The following CLPB variants were observed in gnomAD, a reference collection of about 807,000 sequenced individuals.
CLPB encodes the protein mitochondrial disaggregase.
A neutral mutation model predicts 78.4 loss-of-function variants in CLPB; 40 were observed. The ratio of observed to expected loss-of-function variants is 0.51; its 90% CI spans 0.40 to 0.66. The LOEUF (loss-of-function observed/expected upper bound fraction) is 0.66. Ranked by LOEUF, CLPB falls within the 30% of genes least tolerant of loss-of-function variation. CLPB has a pLI of 0.00. For missense variants in CLPB, 780 were observed against 886.9 expected, an observed-to-expected ratio of 0.88 and a Z score of 1.53; for synonymous variants, 333 against 348.0, an observed-to-expected ratio of 0.96 and a Z score of 0.48.
At chr11:72,297,412 C>T (rs1949569455) in intron 11 of CLPB, among the ~76,000 whole-genome samples, 1 of 152,192 alleles carries the variant, frequency 6.6e-6, no homozygotes, top group East Asian at 1.9e-4. Context: ...TTGGCAGAGG[C>T]CTTTGAGAAA....
intron 5 of CLPB, among the ~76,000 whole-genome samples, chr11:72,331,909 T>A (rs1950234107): frequency 6.6e-6 from 1 of 152,096 alleles, no homozygotes; most frequent in Non-Finnish European, 1.5e-5. Flanking sequence ...TATCAACTTA[T>A]GAACAACAGT....
At chr11:72,404,992 C>T (rs926865971) in intron 2 of CLPB, among the ~76,000 whole-genome samples, 9 of 152,112 alleles carry the variant, frequency 5.9e-5, no homozygotes, top group South Asian at 2.1e-4. Flanking sequence ...TAGCAGGCCA[C>T]GTGATATGGT....
intron 3 of CLPB, among the ~76,000 whole-genome samples, chr11:72,386,037 A>C (rs1325747211): frequency 6.6e-6 from 1 of 152,202 alleles, no homozygotes; most frequent in Non-Finnish European, 1.5e-5. Context: ...TTTTATAAAT[A>C]TTACTAAGTT....
intron 2 of CLPB, among the ~76,000 whole-genome samples, chr11:72,407,524 T>C (rs916806923): frequency 6.6e-6 from 1 of 152,162 alleles, no homozygotes; most frequent in African/African-American, 2.4e-5. Flanking sequence ...GAAGAGGCAT[T>C]TCTCTAAACC....
At chr11:72,405,392 C>T (rs753511610) in intron 2 of CLPB, among the ~76,000 whole-genome samples, 9 of 152,114 alleles carry the variant, frequency 5.9e-5, no homozygotes, top group Non-Finnish European at 1.0e-4. Flanking sequence ...TTTGTGACTA[C>T]GATCAAATTT....
intron 6 of CLPB, among the ~76,000 whole-genome samples, chr11:72,328,687 A>G (rs1420773672): frequency 6.6e-6 from 1 of 152,252 alleles, no homozygotes; most frequent in Non-Finnish European, 1.5e-5. Context: ...GAAAGGGCAC[A>G]AAAGTCAAAA....
rs139738451 is a variant in CLPB at position 72,412,489 on chromosome 11, G to T, written c.456-9437C>A. 5.2e-3 allele frequency among the ~76,000 whole-genome samples: 786 copies of T among 152,352 alleles called. 5 individuals carry two copies. The highest frequency in any genetic ancestry group is 7.7e-3 in the Non-Finnish European group (527 of 68,030). On this transcript the variant is annotated intron_variant, in intron 2 of 15. Transcript: ENST00000538039. ...TTCTGAACTTAAAGAATGATCTGCA[G>T]AGATTAATCAGTCCAAATCTTCCTT... is the stretch of plus-strand genomic sequence containing the variant.
chr11:72,370,798 A>T (rs1951027465), intron 4 of CLPB, among the ~76,000 whole-genome samples: 1 of 152,164 alleles, frequency 6.6e-6, no homozygotes, highest in African/African-American at 2.4e-5. Flanking sequence ...TGCAGCTATC[A>T]TCATCATCGT....
chr11:72,391,688 T>A (rs1855258649), intron 3 of CLPB, among the ~76,000 whole-genome samples: 1 of 152,206 alleles, frequency 6.6e-6, no homozygotes. Flanking sequence ...GTGGAAAACG[T>A]ATATGTTCCT....
chr11:72,348,492 T>C (rs1950555387), intron 5 of CLPB, among the ~76,000 whole-genome samples: 1 of 152,214 alleles, frequency 6.6e-6, no homozygotes, highest in Non-Finnish European at 1.5e-5. Context: ...GGACAGCTCC[T>C]GTTGCTGCCT....
At chr11:72,305,561 C>T (rs1949732226) in intron 9 of CLPB, among the ~76,000 whole-genome samples, 1 of 152,170 alleles carries the variant, frequency 6.6e-6, no homozygotes, top group South Asian at 2.1e-4. Flanking sequence ...AGTTTACCTG[C>T]CTAGGGCCAG....
At position 72,286,223 on chromosome 11, in the gene CLPB, G is replaced by GTTTTTGTTTTTTTTTTT. The variant is rs1949386564; in HGVS notation, c.*7143_*7144insAAAAAAAAAAACAAAAA. 1 of 60,450 alleles carries GTTTTTGTTTTTTTTTTT rather than the reference G, an allele frequency of 1.7e-5. No individual in the cohort carries two copies. The highest frequency in any genetic ancestry group is 3.1e-5 in the Non-Finnish European group (1 of 32,212). The allele number at this position is 60,450 out of a possible 1,614,324, so 3.7% of individuals were successfully genotyped here. ...ATTACAGGTGTGAGATACTGCACCT[G>GTTTTTGTTTTTTTTTTT]TTTTTTTTTTTTTTTTTTTTTTTAA... On this transcript the variant is annotated 3_prime_UTR_variant, in exon 16 of 16. Coordinates refer to ENST00000538039, the MANE Select transcript of CLPB (RefSeq NM_001258392.3).
At chr11:72,297,476 A>C (rs1949570726) in intron 11 of CLPB, among the ~76,000 whole-genome samples, 2 of 152,200 alleles carry the variant, frequency 1.3e-5, no homozygotes, top group Non-Finnish European at 2.9e-5. Flanking sequence ...CACATCCTGG[A>C]GCTGGTCACT....
chr11:72,409,553 C>T (rs1057106210), intron 2 of CLPB, among the ~76,000 whole-genome samples: 5 of 152,218 alleles, frequency 3.3e-5, no homozygotes, highest in Admixed American at 3.3e-4. Flanking sequence ...TACTGCACTA[C>T]AGCCTGGGCA....
chr11:72,356,553 G>C (rs1950720247), intron 5 of CLPB, among the ~76,000 whole-genome samples: 1 of 152,166 alleles, frequency 6.6e-6, no homozygotes, highest in Non-Finnish European at 1.5e-5. Flanking sequence ...GGGAGAAATA[G>C]TGGGTTAATG....
In CLPB at chr11:72,316,799, G is replaced by A. The variant is rs115787576; in HGVS notation, c.988+307C>T. Among the ~76,000 whole-genome samples, 1,410 of 152,230 alleles carry A rather than the reference G, an allele frequency of 9.3e-3. 15 individuals are homozygous for A. The highest frequency in any genetic ancestry group is 0.033 in the African/African-American group (1,359 of 41,528). On this transcript the variant is annotated intron_variant, in intron 7 of 15. Coordinates refer to ENST00000538039, the MANE Select transcript of CLPB (RefSeq NM_001258392.3). Reference sequence around the variant, plus strand: ...CTTGAAAAATGGAGTTGAGGGTAGCGGACCAGATGACGGTCAGAGTTAAAT... The same window carrying A: ...CTTGAAAAATGGAGTTGAGGGTAGCAGACCAGATGACGGTCAGAGTTAAAT...
At chr11:72,408,919 T>C (rs1291117241) in intron 2 of CLPB, among the ~76,000 whole-genome samples, 1 of 152,188 alleles carries the variant, frequency 6.6e-6, no homozygotes, top group African/African-American at 2.4e-5. Context: ...GAAAGGGCGT[T>C]TGAGGCCTGA....
intron 5 of CLPB, chr11:72,357,234 ACG>A (rs1565458686): frequency 6.6e-6 from 1 of 152,196 alleles, no homozygotes; most frequent in African/African-American, 2.4e-5. Context: ...TGGCAAGATT[ACG>A]TGCGTGTTCC....
chr11:72,309,739 G>A (rs1949810015), intron 7 of CLPB, among the ~76,000 whole-genome samples: 1 of 152,170 alleles, frequency 6.6e-6, no homozygotes, highest in African/African-American at 2.4e-5. Context: ...ACGGCAGTCA[G>A]GAGCAGGAAA....
Sources: allele counts gnomAD v4.1 joint callset (sites outside exome capture counted in the v4.1 genomes callset), GRCh38; gene constraint gnomAD v4.1.1; transcripts MANE v1.5; gene names NCBI Gene and HGNC (gene_info 2026-07-23, HGNC 2026-07-21).